RAD51B: variants seen among roughly 807,000 people sequenced by gnomAD.
RAD51B encodes the protein RAD51 paralog B, also known as DNA repair protein RAD51 homolog 2.
In RAD51B, 38 loss-of-function variants were observed where a neutral mutation model predicts 42.2. That is an observed-to-expected ratio of 0.90 (90% CI 0.70 to 1.18). The LOEUF is 1.18. Among genes scored for constraint, RAD51B ranks in the 50% most tolerant of loss-of-function variants. The probability of loss-of-function intolerance (pLI) is 0.00; values close to 1 mark genes in which losing one functional copy is unlikely to be tolerated. For missense variants in RAD51B, 373 were observed against 400.7 expected (o/e 0.93, Z 0.59); for synonymous variants, 154 against 145.2 (o/e 1.06, Z -0.43).
intron 10 of RAD51B, among the ~76,000 whole-genome samples, chr14:68,616,748 A>T (rs1891834929): frequency 6.6e-6 from 1 of 151,786 alleles, no homozygotes; most frequent in Non-Finnish European, 1.5e-5. Flanking sequence ...GATTGATGGG[A>T]CTTTGTTCAT....
In RAD51B at chr14:68,071,860, G is replaced by C. The variant is rs116169573; in HGVS notation, c.756+184656G>C. On this transcript the variant is annotated intron_variant, in intron 7 of 10. Transcript: ENST00000471583. The stretch of plus-strand genomic sequence containing the variant: ...AGGTAGAACTCTTCTTCATCTGGTA[G>C]GATTCTGCTGTGAATCTACCTGGTC... 4.2e-3 allele frequency among the ~76,000 whole-genome samples: 633 copies of C among 151,172 alleles called. 5 individuals carry two copies. Among genetic ancestry groups the C allele is most frequent in the African/African-American group, 0.015 (606 of 41,072 alleles).
chr14:68,246,622 TA>T (rs1391719932), intron 7 of RAD51B, among the ~76,000 whole-genome samples: 1 of 152,214 alleles, frequency 6.6e-6, no homozygotes, highest in Admixed American at 6.5e-5. Context: ...GTTCCAAGTT[TA>T]ATCTCTCCTC....
intron 7 of RAD51B, among the ~76,000 whole-genome samples, chr14:67,888,210 G>A (rs1240691826): frequency 1.3e-5 from 2 of 152,072 alleles, no homozygotes; most frequent in Admixed American, 1.3e-4. Context: ...TTGAATTAAA[G>A]TCAAGTGCTG....
chr14:68,292,144 C>G (rs1355862559), intron 8 of RAD51B, among the ~76,000 whole-genome samples, 164 bp downstream of exon 8: 1 of 152,226 alleles, frequency 6.6e-6, no homozygotes, highest in African/African-American at 2.4e-5. Context: ...GGCATCTGAT[C>G]TCTTATATTG....
intron 7 of RAD51B, among the ~76,000 whole-genome samples, chr14:68,234,951 TGATATACAATCAA>T (rs1281657401): frequency 6.6e-6 from 1 of 152,164 alleles, no homozygotes; most frequent in Admixed American, 6.5e-5. Context: ...CAAGAGAAAA[TGATATACAATCAA>T]GAGGTAAACA....
chr14:68,478,438 G>A (rs1882895852), downstream of RAD51B, among the ~76,000 whole-genome samples: 1 of 152,230 alleles, frequency 6.6e-6, no homozygotes, highest in Non-Finnish European at 1.5e-5. Flanking sequence ...GCCCAAAGCT[G>A]GGCCAGTCAA....
intron 10 of RAD51B, among the ~76,000 whole-genome samples, chr14:68,555,397 G>T (rs894661771): frequency 6.6e-6 from 1 of 152,194 alleles, no homozygotes; most frequent in Non-Finnish European, 1.5e-5. Context: ...TACATGAAAC[G>T]CGCCAGAGTG....
At chr14:67,993,256 C>G (rs1309735981) in intron 7 of RAD51B, among the ~76,000 whole-genome samples, 4 of 151,914 alleles carry the variant, frequency 2.6e-5, no homozygotes. Flanking sequence ...CTATACTCAC[C>G]CTGTTGTGCT....
At chr14:68,499,532 C>T (rs1387260351) in intron 10 of RAD51B, among the ~76,000 whole-genome samples, 2 of 152,148 alleles carry the variant, frequency 1.3e-5, no homozygotes, top group Admixed American at 1.3e-4. Context: ...CAAAAAGATA[C>T]GTCCATGTCC....
chr14:68,066,595 A>G (rs1041122216), intron 7 of RAD51B, among the ~76,000 whole-genome samples: 2 of 152,166 alleles, frequency 1.3e-5, no homozygotes, highest in Non-Finnish European at 2.9e-5. Flanking sequence ...ACAGAAACAT[A>G]TTAGTCTTTC....
chr14:68,088,603 T>TGTGTGC (rs1373076968), intron 7 of RAD51B, among the ~76,000 whole-genome samples: 2 of 144,802 alleles, frequency 1.4e-5, no homozygotes, highest in African/African-American at 5.1e-5. Context: ...TGTGTGTGTG[T>TGTGTGC]GTGTGCGCGT....
chr14:67,946,243 TAGAA>T (rs757220927), intron 7 of RAD51B, among the ~76,000 whole-genome samples: 11 of 152,292 alleles, frequency 7.2e-5, no homozygotes, highest in East Asian at 3.9e-4. Flanking sequence ...AAAAATGAAA[TAGAA>T]AGTAATAGGA....
At chr14:68,631,689 A>AT (rs907142448) in intron 10 of RAD51B, among the ~76,000 whole-genome samples, 51 of 152,308 alleles carry the variant, frequency 3.3e-4, no homozygotes, top group African/African-American at 1.2e-3. Flanking sequence ...CCTGGGGGCC[A>AT]TGCTGTCACT....
At chr14:67,860,330 A>G (rs1566928445) in intron 4 of RAD51B, among the ~76,000 whole-genome samples, 2 of 152,216 alleles carry the variant, frequency 1.3e-5, no homozygotes, top group African/African-American at 4.8e-5. Flanking sequence ...ATTTTGTGCC[A>G]TTAAAATAAA....
chr14:68,282,155 G>A (rs1023146459), intron 7 of RAD51B, among the ~76,000 whole-genome samples: 2 of 152,010 alleles, frequency 1.3e-5, no homozygotes, highest in African/African-American at 4.8e-5. Flanking sequence ...CTAATTTTTT[G>A]TAGTTTTAGT....
At chr14:67,996,060 T>C (rs2075378711) in intron 7 of RAD51B, among the ~76,000 whole-genome samples, 1 of 151,002 alleles carries the variant, frequency 6.6e-6, no homozygotes, top group Non-Finnish European at 1.5e-5. Flanking sequence ...AGTTTGGGAG[T>C]GTGGGAGGTG....
At chr14:68,613,142 G>A (rs994864487), downstream of RAD51B, among the ~76,000 whole-genome samples, 17 of 152,180 alleles carry the variant, frequency 1.1e-4, no homozygotes, top group South Asian at 4.2e-4. Flanking sequence ...GAGGCCAGGC[G>A]TGGTGGCTCA....
chr14:67,946,618 G>A (rs776013697), intron 7 of RAD51B, among the ~76,000 whole-genome samples: 7 of 152,062 alleles, frequency 4.6e-5, no homozygotes, highest in Non-Finnish European at 7.4e-5. Context: ...CACCCGCCTC[G>A]GCCTCCCAAA....
chr14:68,427,519 G>A (rs1444488474), intron 9 of RAD51B, among the ~76,000 whole-genome samples: 1 of 152,324 alleles, frequency 6.6e-6, no homozygotes, highest in African/African-American at 2.4e-5. Flanking sequence ...TCCCTGTTGA[G>A]TTTTGGACTA....
Sources: gnomAD v4.1 joint callset for allele counts (sites outside exome capture counted in the v4.1 genomes callset) on GRCh38, gnomAD v4.1.1 for gene constraint, MANE v1.5 for transcripts, NCBI Gene and HGNC (gene_info 2026-07-23, HGNC 2026-07-21) for gene names.